The following ST3GAL1 variants were observed in gnomAD, a reference collection of about 807,000 sequenced individuals.
ST3GAL1 encodes the protein ST3 beta-galactoside alpha-2,3-sialyltransferase 1.
A neutral mutation model predicts 34.1 loss-of-function variants in ST3GAL1; 16 were observed. That is an observed-to-expected ratio of 0.47 (90% CI 0.32 to 0.71). The LOEUF (loss-of-function observed/expected upper bound fraction) is 0.71. Among genes scored for constraint, ST3GAL1 ranks in the 30% least tolerant of loss-of-function variants. The pLI, the probability that ST3GAL1 is intolerant of heterozygous loss-of-function variation, is 0.04. For synonymous variants in ST3GAL1, 191 were observed against 184.7 expected (o/e 1.03, Z -0.28); for missense variants, 353 against 447.4 (o/e 0.79, Z 1.90).
chr8:133,532,738 G>A (rs769679095), intron 2 of ST3GAL1, among the ~76,000 whole-genome samples: 3 of 152,098 alleles, frequency 2.0e-5, no homozygotes, highest in Non-Finnish European at 2.9e-5. Flanking sequence ...AGGAGGACAC[G>A]TTTAGCAATT....
intron 1 of ST3GAL1, among the ~76,000 whole-genome samples, chr8:133,553,306 C>G (rs1202529286): frequency 2.0e-5 from 3 of 152,156 alleles, no homozygotes; most frequent in Non-Finnish European, 4.4e-5. Flanking sequence ...AGTTCCTGTA[C>G]CCCAGCATCC....
At chr8:133,537,820 T>C (rs1053255738) in intron 2 of ST3GAL1, among the ~76,000 whole-genome samples, 2 of 152,194 alleles carry the variant, frequency 1.3e-5, no homozygotes, top group Non-Finnish European at 2.9e-5. Flanking sequence ...CCCGGCTGTC[T>C]TGGATCTTTG....
Position 133,464,966 on chromosome 8 carries a change from G to C in ST3GAL1, c.504-9C>G. ...TGGGCGCCTTGTTCATCCTGGGAGAGAAGGGGAGAAAGCTGAGTCTTGTAG... is the reference window on the plus strand; with the variant it reads ...TGGGCGCCTTGTTCATCCTGGGAGACAAGGGGAGAAAGCTGAGTCTTGTAG... On this transcript the variant is annotated splice_polypyrimidine_tract_variant and intron_variant, in intron 6 of 9. Coordinates refer to ENST00000522652, the MANE Select transcript of ST3GAL1 (RefSeq NM_173344.3). 1 of 1,610,508 alleles carries C rather than the reference G, an allele frequency of 6.2e-7. No individual in the cohort carries two copies. Among genetic ancestry groups the C allele is most frequent in the Non-Finnish European group, 8.5e-7 (1 of 1,177,654 alleles).
At chr8:133,500,366 C>G (rs1416274926) in intron 2 of ST3GAL1, among the ~76,000 whole-genome samples, 3 of 152,160 alleles carry the variant, frequency 2.0e-5, no homozygotes, top group Non-Finnish European at 4.4e-5. Context: ...GGCTGCCCTG[C>G]CTCTGACTCT....
intron 3 of ST3GAL1, among the ~76,000 whole-genome samples, chr8:133,477,677 T>G (rs965730054): frequency 1.3e-5 from 2 of 152,070 alleles, no homozygotes; most frequent in African/African-American, 2.4e-5. Flanking sequence ...ACCTCTCAAA[T>G]GCCCATCGGA....
rs1208237430 is a variant in ST3GAL1 at position 133,459,737 on chromosome 8, T to C, written c.*27A>G. 1 of 1,583,960 alleles carries C rather than the reference T, an allele frequency of 6.3e-7. No individual in the cohort carries two copies. The highest frequency in any genetic ancestry group is 1.7e-5 in the Admixed American group (1 of 57,982). On this transcript the variant is annotated 3_prime_UTR_variant, in exon 10 of 10. Transcript: ENST00000522652. This position sits in a 1 kb window ranked among gnomAD's most constrained non-coding sequence, Gnocchi z 4.7. ...GGCTGGAAATGCAGAGGTGTGACAG[T>C]GCGTCCATCCTCAGCCCTTCACTGC...
intron 6 of ST3GAL1, among the ~76,000 whole-genome samples, chr8:133,465,360 G>A (rs1247110662): frequency 6.6e-6 from 1 of 152,132 alleles, no homozygotes; most frequent in Non-Finnish European, 1.5e-5. Flanking sequence ...TCACAGACAG[G>A]AGAGACTATT....
rs754028236 is a variant in ST3GAL1, at chr8:133,459,759, C to T, written c.*5G>A. 8 of 1,607,720 alleles carry T rather than the reference C, an allele frequency of 5.0e-6. No homozygotes were observed. The highest frequency in any genetic ancestry group is 2.7e-5 in the African/African-American group (2 of 74,792). On this transcript the variant is annotated 3_prime_UTR_variant, in exon 10 of 10. Transcript: ENST00000522652. This position sits in a 1 kb window ranked among gnomAD's most constrained non-coding sequence, Gnocchi z 4.7. ...CAGTGCGTCCATCCTCAGCCCTTCA[C>T]TGCGTCATCTCCCCTTGAAGATCCG...
intron 1 of ST3GAL1, among the ~76,000 whole-genome samples, chr8:133,555,512 T>C (rs537414222): frequency 1.5e-4 from 23 of 152,170 alleles, no homozygotes; most frequent in Non-Finnish European, 3.1e-4. Context: ...ACATTCGTCC[T>C]GCCCTCCCAT....
At chr8:133,554,466 G>A (rs966315637) in intron 1 of ST3GAL1, among the ~76,000 whole-genome samples, 1 of 152,178 alleles carries the variant, frequency 6.6e-6, no homozygotes, top group African/African-American at 2.4e-5. Context: ...CTGAAGGCTG[G>A]AGAGTGAGAA....
chr8:133,488,100 G>A (rs760260404), intron 3 of ST3GAL1: 1 of 152,120 alleles, frequency 6.6e-6, no homozygotes, highest in Non-Finnish European at 1.5e-5. Context: ...TAGATTTAAT[G>A]TATCAGCAGG....
chr8:133,552,387 G>A (rs1563739560), intron 1 of ST3GAL1, among the ~76,000 whole-genome samples: 1 of 152,236 alleles, frequency 6.6e-6, no homozygotes, highest in Non-Finnish European at 1.5e-5. Context: ...AATGGTGAGA[G>A]GACCTAGAAA....
At position 133,467,363 on chromosome 8, in the gene ST3GAL1, C is replaced by T. The variant is rs1815783578; in HGVS notation, c.307-1273G>A. On this transcript the variant is annotated intron_variant, in intron 5 of 9. Coordinates refer to ENST00000522652, the MANE Select transcript of ST3GAL1 (RefSeq NM_173344.3). The surrounding 1 kb of genome is among the most constrained non-coding windows in gnomAD (Gnocchi z 4.2). ...GTAGTGATGCCTGTTGGTGCCTCAG[C>T]CTTCCTCACTCGTGGTAAACCCTGG... Among the ~76,000 whole-genome samples, 1 of 152,202 alleles carries T rather than the reference C, an allele frequency of 6.6e-6. No individual in the cohort carries two copies. Among genetic ancestry groups the T allele is most frequent in the South Asian group, 2.1e-4 (1 of 4,830 alleles).
intron 2 of ST3GAL1, among the ~76,000 whole-genome samples, chr8:133,531,856 T>G (rs1377116209): frequency 6.8e-6 from 1 of 146,896 alleles, no homozygotes; most frequent in Non-Finnish European, 1.5e-5. Context: ...TCTTAACCAC[T>G]GTACTGCGGT....
intron 1 of ST3GAL1, among the ~76,000 whole-genome samples, chr8:133,565,461 C>A (rs1384385464): frequency 6.6e-6 from 1 of 152,166 alleles, no homozygotes; most frequent in African/African-American, 2.4e-5. Flanking sequence ...CCTTCCCCTA[C>A]CGTGCCACTT....
Position 133,541,147 on chromosome 8 carries a change from A to AGAGAGAGG in ST3GAL1, c.-429+4626_-429+4627insCCTCTCTC, listed in dbSNP as rs1209540597. Among the ~76,000 whole-genome samples, 30 of 125,470 alleles carry AGAGAGAGG rather than the reference A, an allele frequency of 2.4e-4. 1 individual carries two copies. Among genetic ancestry groups the AGAGAGAGG allele is most frequent in the African/African-American group, 9.4e-4 (24 of 25,508 alleles). The allele number at this position is 125,470 out of a possible 152,430, so 82.3% of individuals were successfully genotyped here. ...GAGAGAGAGAGAGAGAGAGAGAGAGAGAGAGACTGTGTGTCTCTCCCTCTT... is the reference window on the plus strand; with the variant it reads ...GAGAGAGAGAGAGAGAGAGAGAGAGAGAGAGAGGGAGAGACTGTGTGTCTCTCCCTCTT... On this transcript the variant is annotated intron_variant, in intron 2 of 9. Transcript: ENST00000522652.
chr8:133,473,374 G>A (rs1216185720), intron 5 of ST3GAL1, among the ~76,000 whole-genome samples: 1 of 152,108 alleles, frequency 6.6e-6, no homozygotes, highest in Non-Finnish European at 1.5e-5. Context: ...TGAGGACAAA[G>A]GCCCCCAAGT....
chr8:133,523,613 A>C (rs1817874614), intron 2 of ST3GAL1, among the ~76,000 whole-genome samples: 1 of 152,202 alleles, frequency 6.6e-6, no homozygotes, highest in African/African-American at 2.4e-5. Context: ...TGACAAAGCA[A>C]AGTCGACTCT....
rs776708686 is a variant in ST3GAL1 at position 133,469,202 on chromosome 8, AATTG to A, written c.307-3116_307-3113del. On this transcript the variant is annotated intron_variant, in intron 5 of 9. Transcript: ENST00000522652. This position sits in a 1 kb window ranked among gnomAD's most constrained non-coding sequence, Gnocchi z 4.3. ...TTTAATGACTTATTTAAGAAAAATAAATTGATTGATTGATTGATTGATTTGATTT... is the reference window on the plus strand; with the variant it reads ...TTTAATGACTTATTTAAGAAAAATAAATTGATTGATTGATTGATTTGATTT... Among the ~76,000 whole-genome samples the A allele has an allele frequency of 7.9e-5, 12 of 152,246 alleles. No individual in the cohort carries two copies. The highest frequency in any genetic ancestry group is 4.1e-4 in the South Asian group (2 of 4,822).
Sources: gnomAD v4.1 joint callset for allele counts (sites outside exome capture counted in the v4.1 genomes callset) on GRCh38, gnomAD v4.1.1 for gene constraint, Gnocchi (gnomAD v3.1) non-coding constraint, MANE v1.5 for transcripts, NCBI Gene and HGNC (gene_info 2026-07-23, HGNC 2026-07-21) for gene names.